SNW1: variants seen among roughly 807,000 people sequenced by gnomAD.
SNW1 encodes SNW domain-containing protein 1.
A neutral mutation model predicts 75.6 loss-of-function variants in SNW1; 9 were observed. The observed-to-expected ratio is 0.12, with a 90% CI of 0.07 to 0.21. The LOEUF (loss-of-function observed/expected upper bound fraction) is 0.21. SNW1 is among the 10% of genes least tolerant of loss of function. The probability of loss-of-function intolerance (pLI) is 1.00; values close to 1 mark genes in which losing one functional copy is unlikely to be tolerated. For missense variants in SNW1, 409 were observed against 670.9 expected (o/e 0.61, Z 4.31); for synonymous variants, 200 against 219.1 (o/e 0.91, Z 0.77).
intron 3 of SNW1, among the ~76,000 whole-genome samples, chr14:77,740,483 C>A (rs2080709718): frequency 6.6e-6 from 1 of 152,152 alleles, no homozygotes; most frequent in South Asian, 2.1e-4. Context: ...TTTGCCTATG[C>A]CTTCAATCTC....
intron 3 of SNW1, among the ~76,000 whole-genome samples, chr14:77,751,015 T>C (rs556226903): frequency 6.6e-6 from 1 of 152,302 alleles, no homozygotes; most frequent in African/African-American, 2.4e-5. Context: ...TTTTAAAAAT[T>C]TACTGGCAGT....
chr14:77,752,988 TAG>T (rs140018614), intron 2 of SNW1, among the ~76,000 whole-genome samples: 9,952 of 152,258 alleles, frequency 0.065, 387 homozygotes, highest in African/African-American at 0.095. Context: ...TTGGATTTGC[TAG>T]AGTTTTTCAA....
chr14:77,753,935 G>A (rs543887187), intron 2 of SNW1, among the ~76,000 whole-genome samples: 3 of 151,382 alleles, frequency 2.0e-5, no homozygotes, highest in South Asian at 2.1e-4. Context: ...CCTGGGAAAC[G>A]GAGCGAGATT....
chr14:77,726,847 T>C (rs2080589756), intron 10 of SNW1, among the ~76,000 whole-genome samples: 1 of 152,166 alleles, frequency 6.6e-6, no homozygotes, highest in African/African-American at 2.4e-5. Flanking sequence ...TAGGTAGTTT[T>C]TGGTAGCTAT....
chr14:77,729,388 A>G (rs562659993), intron 10 of SNW1, among the ~76,000 whole-genome samples: 12 of 152,104 alleles, frequency 7.9e-5, no homozygotes, highest in Admixed American at 1.3e-4. Flanking sequence ...TGTCAACTCT[A>G]CTACCAAAAT....
intron 3 of SNW1, among the ~76,000 whole-genome samples, chr14:77,739,960 C>T (rs918090674): frequency 1.3e-5 from 2 of 151,556 alleles, no homozygotes; most frequent in African/African-American, 4.8e-5. Context: ...TGGTGAAACC[C>T]CGTCTCTACT....
At chr14:77,759,539 A>G (rs941433254) in intron 1 of SNW1, among the ~76,000 whole-genome samples, 4 of 152,020 alleles carry the variant, frequency 2.6e-5, no homozygotes, top group African/African-American at 9.7e-5. Flanking sequence ...AAAAATACCC[A>G]TGACATCTCT....
chr14:77,742,037 T>A (rs1255349990), intron 3 of SNW1, among the ~76,000 whole-genome samples: 1 of 148,790 alleles, frequency 6.7e-6, no homozygotes, highest in African/African-American at 2.5e-5. Context: ...AACCCCCCAT[T>A]TTTTTTTTTT....
At chr14:77,733,293 AAGG>A (rs1188705960) in intron 8 of SNW1, among the ~76,000 whole-genome samples, 2 of 152,236 alleles carry the variant, frequency 1.3e-5, no homozygotes, top group East Asian at 3.8e-4. Context: ...ATTTTAATAA[AAGG>A]AAATCACTGT....
chr14:77,737,542 T>A (rs776773088), intron 5 of SNW1, among the ~76,000 whole-genome samples: 1 of 152,152 alleles, frequency 6.6e-6, no homozygotes, highest in Non-Finnish European at 1.5e-5. Flanking sequence ...GTGATTCAAT[T>A]CTCTATGCAG....
chr14:77,740,663 T>C (rs2080711127), intron 3 of SNW1, among the ~76,000 whole-genome samples: 1 of 152,182 alleles, frequency 6.6e-6, no homozygotes, highest in African/African-American at 2.4e-5. Context: ...TCCTCCATTA[T>C]CGAGGCTTCT....
intron 12 of SNW1, chr14:77,720,387 G>A (rs373990011): frequency 2.5e-5 from 16 of 637,410 alleles, no homozygotes; most frequent in East Asian, 1.4e-4. Flanking sequence ...TGCCCGCTTC[G>A]GCCTCCAAAT....
chr14:77,751,750 G>C (rs2080808388), intron 2 of SNW1, among the ~76,000 whole-genome samples: 1 of 151,536 alleles, frequency 6.6e-6, no homozygotes, highest in Admixed American at 6.6e-5. Context: ...GACAGCCTTT[G>C]TGAAGAAGTA....
rs748481896 is a variant in SNW1 at position 77,718,101 on chromosome 14, CTCT to C, written c.1595_1597del (p.Lys532del). ...AGAGACCTGTGCCTATTCCTTCCTC[CTCT>C]TCTTGCCTTCATGCTCGTGTTCCTT... On this transcript the variant is annotated inframe_deletion, in exon 14 of 14. Coordinates refer to ENST00000261531, the MANE Select transcript of SNW1 (RefSeq NM_012245.3). 6.3e-7 allele frequency: 1 copy of C among 1,585,818 alleles called. No individual in the cohort carries two copies.
intron 6 of SNW1, 55 bp from the exon 7 acceptor site, chr14:77,736,061 C>T (rs1321277487): frequency 7.9e-7 from 1 of 1,264,998 alleles, no homozygotes; most frequent in East Asian, 2.3e-5. Context: ...TTTTAGTCAT[C>T]ATATCAAGTC....
chr14:77,738,968 C>G lies in SNW1; in HGVS notation c.424G>C (p.Glu142Gln). ...LQRPDEEAIK[E>Q]ITEKTRVALE... ...CGAATATATCAATTCCCAGTTACCT[C>G]TTTAATAGCTTCTTCATCGGGCCTT... The change falls in exon 4 of 14, where the codon GAG (glutamate) becomes CAG (glutamine). Residue 142 changes from glutamate to glutamine, a missense_variant and splice_region_variant. Physicochemically the swap from Glu to Gln is conservative, Grantham distance 29 (BLOSUM62 2). Around this residue, in one of 9 missense-constraint regions of SNW1, gnomAD observed 70 missense variants for 136.7 expected, o/e 0.51. Coordinates refer to ENST00000261531, the MANE Select transcript of SNW1 (RefSeq NM_012245.3). 3 of 1,613,890 alleles carry G rather than the reference C, an allele frequency of 1.9e-6. No homozygotes were observed. Among genetic ancestry groups the G allele is most frequent in the Non-Finnish European group, 2.5e-6 (3 of 1,179,716 alleles).
intron 3 of SNW1, among the ~76,000 whole-genome samples, chr14:77,745,990 C>T (rs1214485387): frequency 6.6e-6 from 1 of 152,234 alleles, no homozygotes; most frequent in African/African-American, 2.4e-5. Flanking sequence ...TGCCACTGCA[C>T]TCCAGCCTGG....
intron 9 of SNW1, among the ~76,000 whole-genome samples, chr14:77,732,156 T>TG (rs1211268173): frequency 6.6e-6 from 1 of 152,238 alleles, no homozygotes; most frequent in Admixed American, 6.5e-5. Flanking sequence ...ACTGCCCTTT[T>TG]GGGGGACATC....
Position 77,718,003 on chromosome 14 carries a change from C to G in SNW1, c.*85G>C. 7.5e-7 allele frequency: 1 copy of G among 1,326,674 alleles called. No individual in the cohort carries two copies. The highest frequency in any genetic ancestry group is 2.3e-5 in the East Asian group (1 of 42,788). The allele number at this position is 1,326,674 out of a possible 1,614,324, so 82.2% of individuals were successfully genotyped here. On this transcript the variant is annotated 3_prime_UTR_variant, in exon 14 of 14. Coordinates refer to ENST00000261531, the MANE Select transcript of SNW1 (RefSeq NM_012245.3). Reference sequence around the variant, plus strand: ...CTGGCACCCAGATTTGGTTTTTATCCTGACCATTTACAAAGTGTTCCCCCA... The same window carrying G: ...CTGGCACCCAGATTTGGTTTTTATCGTGACCATTTACAAAGTGTTCCCCCA...
Sources: allele counts gnomAD v4.1 joint callset (sites outside exome capture counted in the v4.1 genomes callset), GRCh38; gene constraint gnomAD v4.1.1; regional missense constraint gnomAD v4.1.1; transcripts MANE v1.5; gene names NCBI Gene and HGNC (gene_info 2026-07-23, HGNC 2026-07-21).